ST18: variants seen among roughly 807,000 people sequenced by gnomAD.
The protein encoded by ST18 is ST18 C2H2C-type zinc finger transcription factor.
A neutral mutation model predicts 110.0 loss-of-function variants in ST18; 50 were observed. The observed-to-expected ratio is 0.45, with a 90% CI of 0.36 to 0.58. ST18 has a LOEUF of 0.58. Ranked by LOEUF, ST18 falls within the 20% of genes least tolerant of loss-of-function variation. The pLI is 0.00. For missense variants in ST18, 1,306 were observed against 1,280.1 expected (o/e 1.02, Z -0.31); for synonymous variants, 461 against 452.4 (o/e 1.02, Z -0.24).
At position 52,132,032 on chromosome 8, in the gene ST18, T is replaced by G; in HGVS notation, c.2592A>C (p.Gln864His). The change falls in exon 22 of 26, where the codon CAA becomes CAC. Residue 864 changes from glutamine (Q) to histidine (H), a missense_variant. Gln to His is a conservative substitution (Grantham distance 24). Transcript: ENST00000689386. ...CTGGCAAGGGACAATGTGGTAGCTC[T>G]TGTTTGTTCAGTTTCCAGGAGAGGG... ...GASLSWKLNK[Q>H]ELPHCPLPGC... 1 of 1,614,232 alleles carries G rather than the reference T, an allele frequency of 6.2e-7. No individual in the cohort carries two copies. Among genetic ancestry groups the G allele is most frequent in the Non-Finnish European group, 8.5e-7 (1 of 1,180,032 alleles).
At chr8:52,303,833 C>T (rs771977592) in intron 2 of ST18, among the ~76,000 whole-genome samples, 6 of 152,152 alleles carry the variant, frequency 3.9e-5, no homozygotes, top group Non-Finnish European at 8.8e-5. Context: ...AGTGCTTTGT[C>T]CTGGATTGAA....
At chr8:52,233,460 C>A (rs866907696) in intron 2 of ST18, among the ~76,000 whole-genome samples, 7 of 152,018 alleles carry the variant, frequency 4.6e-5, no homozygotes, top group Non-Finnish European at 7.4e-5. Context: ...AAGAAGAATT[C>A]CTAATCCTAC....
intron 2 of ST18, among the ~76,000 whole-genome samples, chr8:52,307,035 T>C (rs1023507551): frequency 1.3e-5 from 2 of 152,156 alleles, no homozygotes; most frequent in Non-Finnish European, 1.5e-5. Context: ...AATAAAAAAA[T>C]TAAAAATTCA....
At chr8:52,119,224 C>T (rs1035552508) in intron 23 of ST18, among the ~76,000 whole-genome samples, 2 of 152,212 alleles carry the variant, frequency 1.3e-5, no homozygotes, top group Admixed American at 6.5e-5. Context: ...GAGCGCTAAA[C>T]ATGCCACAGG....
chr8:52,197,946 T>C (rs1397345399), intron 8 of ST18, among the ~76,000 whole-genome samples: 1 of 151,850 alleles, frequency 6.6e-6, no homozygotes, highest in Non-Finnish European at 1.5e-5. Context: ...ATGAGCAATA[T>C]AGTAATTTTC....
chr8:52,373,308 C>T (rs1317343847), intron 2 of ST18, among the ~76,000 whole-genome samples: 1 of 152,136 alleles, frequency 6.6e-6, no homozygotes, highest in African/African-American at 2.4e-5. Context: ...ATATCACATA[C>T]CACCTCCAAC....
Position 52,255,483 on chromosome 8 carries a change from A to C in ST18, c.-464-25406T>G, listed in dbSNP as rs570762927. On this transcript the variant is annotated intron_variant, in intron 2 of 25. Coordinates refer to ENST00000689386, the MANE Select transcript of ST18 (RefSeq NM_001352837.2). The stretch of plus-strand genomic sequence containing the variant: ...TGAAACATGCAAGGAAGAAAAATTG[A>C]GTGAAAAACCTTGTCTCCAAATATT... Among the ~76,000 whole-genome samples, 11 of 152,352 alleles carry C rather than the reference A, an allele frequency of 7.2e-5. No individual in the cohort carries two copies. The East Asian group carries it at 2.1e-3, about 29-fold the overall frequency.
chr8:52,354,235 A>G (rs1821684647), intron 2 of ST18, among the ~76,000 whole-genome samples: 1 of 152,204 alleles, frequency 6.6e-6, no homozygotes, highest in African/African-American at 2.4e-5. Flanking sequence ...CTTTAGTTTT[A>G]CAAGAATCAC....
rs1563564350 is a variant in ST18, at chr8:52,130,151, GAAAGAAAGAAAGAAAA to G, written c.2666+1791_2666+1806del. 3.7e-3 allele frequency among the ~76,000 whole-genome samples: 556 copies of G among 150,508 alleles called. 3 individuals carry two copies. The highest frequency in any genetic ancestry group is 0.011 in the African/African-American group (443 of 40,966). On this transcript the variant is annotated intron_variant, in intron 22 of 25. Coordinates refer to ENST00000689386, the MANE Select transcript of ST18 (RefSeq NM_001352837.2). ...AGAAAGAAAGAAAGAAAGAAAGAAA[GAAAGAAAGAAAGAAAA>G]AGAAAAGAAAATAGTACCTTGGCAT...
intron 2 of ST18, among the ~76,000 whole-genome samples, chr8:52,343,530 G>A (rs1185830917): frequency 2.0e-5 from 3 of 152,176 alleles, no homozygotes; most frequent in Non-Finnish European, 4.4e-5. Flanking sequence ...AGTCCTCCGA[G>A]CAAAGTCCCC....
At chr8:52,352,444 C>T (rs1471940825) in intron 2 of ST18, among the ~76,000 whole-genome samples, 1 of 152,136 alleles carries the variant, frequency 6.6e-6, no homozygotes, top group Non-Finnish European at 1.5e-5. Flanking sequence ...GAGAGTGCTC[C>T]GAGATTTAAA....
chr8:52,368,230 T>A (rs1329702531), intron 2 of ST18, among the ~76,000 whole-genome samples: 1 of 152,176 alleles, frequency 6.6e-6, no homozygotes, highest in African/African-American at 2.4e-5. Context: ...AAAAAACCTA[T>A]TTGTCATAAA....
At chr8:52,354,330 G>A (rs1821716377) in intron 2 of ST18, among the ~76,000 whole-genome samples, 1 of 152,170 alleles carries the variant, frequency 6.6e-6, no homozygotes, top group Non-Finnish European at 1.5e-5. Flanking sequence ...TGGTTGCCTC[G>A]ACCGAGTAAA....
At position 52,191,153 on chromosome 8, in the gene ST18, C is replaced by G. The variant is rs149896441; in HGVS notation, c.87-10841G>C. On this transcript the variant is annotated intron_variant, in intron 8 of 25. Transcript: ENST00000689386. ...AAGCCCTGTTGCTTGGGCCATACAA[C>G]CTGGTAAAGCCAATGGTTTGTTTAG... is the stretch of plus-strand genomic sequence containing the variant. 2.0e-5 allele frequency among the ~76,000 whole-genome samples: 3 copies of G among 152,286 alleles called. No individual in the cohort carries two copies. The East Asian group carries it at 5.8e-4, about 29-fold the overall frequency.
Position 52,178,382 on chromosome 8 carries a change from C to T in ST18, c.277+1740G>A, listed in dbSNP as rs535001136. 1.3e-3 allele frequency among the ~76,000 whole-genome samples: 191 copies of T among 151,884 alleles called. 1 individual carries two copies. The highest frequency in any genetic ancestry group is 4.3e-3 in the African/African-American group (177 of 41,400). ...GTGGCTCACACCTGTAATCCCAGCACTTTGGGAGGCTGAGGCAGGCGATCA... is the reference window on the plus strand; with the variant it reads ...GTGGCTCACACCTGTAATCCCAGCATTTTGGGAGGCTGAGGCAGGCGATCA... On this transcript the variant is annotated intron_variant, in intron 9 of 25. Transcript: ENST00000689386.
At chr8:52,157,094 C>T (rs2060222223) in intron 15 of ST18, among the ~76,000 whole-genome samples, 1 of 152,182 alleles carries the variant, frequency 6.6e-6, no homozygotes, top group Admixed American at 6.5e-5. Flanking sequence ...CCCAAGAACA[C>T]AACACTGAAA....
chr8:52,167,757 C>T (rs556738646), intron 10 of ST18, among the ~76,000 whole-genome samples: 9 of 152,188 alleles, frequency 5.9e-5, no homozygotes, highest in African/African-American at 1.9e-4. Context: ...CACCGAGCAG[C>T]GGTCCAGAGA....
chr8:52,284,295 C>A (rs1315191386), intron 2 of ST18, among the ~76,000 whole-genome samples: 8 of 152,084 alleles, frequency 5.3e-5, no homozygotes, highest in East Asian at 1.9e-4. Flanking sequence ...GGTAAGGAAG[C>A]CAGCGGCAGA....
At chr8:52,185,206 T>A (rs1321541515) in intron 8 of ST18, among the ~76,000 whole-genome samples, 5 of 152,090 alleles carry the variant, frequency 3.3e-5, no homozygotes, top group African/African-American at 9.7e-5. Flanking sequence ...AAATATGAAA[T>A]ACCTAGGAAT....
Sources: gnomAD v4.1 joint callset for allele counts (sites outside exome capture counted in the v4.1 genomes callset) on GRCh38, gnomAD v4.1.1 for gene constraint, MANE v1.5 for transcripts, NCBI Gene and HGNC (gene_info 2026-07-23, HGNC 2026-07-21) for gene names.